GRIK2: variants seen among roughly 807,000 people sequenced by gnomAD.
GRIK2 encodes the protein glutamate ionotropic receptor kainate type subunit 2, also known as glutamate receptor ionotropic, kainate 2.
A neutral mutation model predicts 100.3 loss-of-function variants in GRIK2; 32 were observed. The ratio of observed to expected loss-of-function variants is 0.32; its 90% CI spans 0.24 to 0.43. The LOEUF is 0.43. Ranked by LOEUF, GRIK2 falls within the 20% of genes least tolerant of loss-of-function variation. GRIK2 has a pLI of 1.00. For synonymous variants in GRIK2, 417 were observed against 389.4 expected (o/e 1.07, Z -0.83); for missense variants, 843 against 1,114.9 (o/e 0.76, Z 3.47).
chr6:101,409,964 T>C (rs12215932), intron 2 of GRIK2, among the ~76,000 whole-genome samples: 40,631 of 151,908 alleles, frequency 0.27, 5,534 homozygotes, highest in African/African-American at 0.34. Context: ...TTATTACAAA[T>C]AGGTTGGTAA....
chr6:101,750,732 A>AG (rs1562356361), intron 7 of GRIK2, among the ~76,000 whole-genome samples: 1 of 152,198 alleles, frequency 6.6e-6, no homozygotes, highest in African/African-American at 2.4e-5. Flanking sequence ...AGAGAGAGAA[A>AG]GAGAAGGGTT....
intron 10 of GRIK2, among the ~76,000 whole-genome samples, chr6:101,852,413 C>T (rs910780389): frequency 5.9e-5 from 9 of 152,054 alleles, no homozygotes; most frequent in Admixed American, 4.6e-4. Flanking sequence ...CCATCATGCC[C>T]GAGCCTCATA....
chr6:102,006,322 A>G (rs1261494293), intron 14 of GRIK2, among the ~76,000 whole-genome samples: 1 of 146,412 alleles, frequency 6.8e-6, no homozygotes, highest in African/African-American at 2.6e-5. Context: ...TAGTTAGGAA[A>G]TGTTAGTAGA....
At chr6:101,737,367 G>A in intron 7 of GRIK2, among the ~76,000 whole-genome samples, 1 of 152,310 alleles carries the variant, frequency 6.6e-6, no homozygotes, top group Non-Finnish European at 1.5e-5. Flanking sequence ...ACAAAAGAAA[G>A]AAGTGTAATG....
At chr6:101,921,566 A>G (rs1789493214) in intron 12 of GRIK2, among the ~76,000 whole-genome samples, 1 of 152,084 alleles carries the variant, frequency 6.6e-6, no homozygotes, top group African/African-American at 2.4e-5. Flanking sequence ...TCAATCTTAG[A>G]GGGGTGAGAT....
chr6:101,661,316 C>T (rs1769594265), intron 4 of GRIK2, among the ~76,000 whole-genome samples: 1 of 152,096 alleles, frequency 6.6e-6, no homozygotes, highest in Non-Finnish European at 1.5e-5. Flanking sequence ...ATAGCAGACG[C>T]TCCTCCTGCC....
intron 3 of GRIK2, among the ~76,000 whole-genome samples, chr6:101,625,779 A>G (rs530315743): frequency 1.4e-4 from 22 of 152,332 alleles, no homozygotes; most frequent in African/African-American, 5.1e-4. Context: ...CCAAATATAT[A>G]AAGATGACTG....
intron 12 of GRIK2, among the ~76,000 whole-genome samples, chr6:101,900,817 A>G (rs1188574890): frequency 6.6e-6 from 1 of 151,790 alleles, no homozygotes; most frequent in Non-Finnish European, 1.5e-5. Context: ...ATATTAGTTA[A>G]TTCAATTTAA....
At chr6:101,555,579 A>G (rs942207655) in intron 2 of GRIK2, among the ~76,000 whole-genome samples, 15 of 152,224 alleles carry the variant, frequency 9.9e-5, no homozygotes, top group African/African-American at 3.6e-4. Flanking sequence ...ATTTTATGTA[A>G]TAGTCTTTCT....
At chr6:101,905,688 A>G (rs1788170366) in intron 12 of GRIK2, among the ~76,000 whole-genome samples, 1 of 151,358 alleles carries the variant, frequency 6.6e-6, no homozygotes, top group Admixed American at 6.6e-5. Context: ...ACATCTATCA[A>G]TCATCTACCT....
intron 2 of GRIK2, among the ~76,000 whole-genome samples, chr6:101,595,730 A>G (rs1778898268): frequency 1.5e-5 from 2 of 137,156 alleles, no homozygotes; most frequent in Non-Finnish European, 1.6e-5. Flanking sequence ...ATATATATAT[A>G]TATATATATA....
intron 7 of GRIK2, among the ~76,000 whole-genome samples, chr6:101,760,584 A>AT (rs1470636068): frequency 3.7e-5 from 3 of 81,754 alleles, no homozygotes; most frequent in East Asian, 9.4e-4. Context: ...TTAATTATAT[A>AT]TAATTATATA....
At chr6:101,621,811 T>C in intron 2 of GRIK2, 138 bp from the exon 3 acceptor site, 4 of 649,412 alleles carry the variant, frequency 6.2e-6, no homozygotes, top group Middle Eastern at 3.5e-4. Flanking sequence ...TCTCTCTCTC[T>C]TTCTCTCTCT....
intron 14 of GRIK2, among the ~76,000 whole-genome samples, chr6:101,937,527 A>C (rs1790690379): frequency 6.6e-6 from 1 of 152,184 alleles, no homozygotes. Context: ...GGATGCAAAA[A>C]ATAGGCTGAG....
At chr6:101,769,219 A>G (rs1231952093) in intron 7 of GRIK2, among the ~76,000 whole-genome samples, 1 of 152,192 alleles carries the variant, frequency 6.6e-6, no homozygotes, top group Admixed American at 6.5e-5. Flanking sequence ...AGTAGATACA[A>G]ATGCCCAAGT....
intron 2 of GRIK2, among the ~76,000 whole-genome samples, chr6:101,456,218 A>G (rs1017605203): frequency 4.6e-5 from 7 of 152,032 alleles, no homozygotes; most frequent in African/African-American, 1.7e-4. Context: ...TTTTGGTGAC[A>G]TATGGCCTTG....
chr6:101,585,075 A>C (rs147140446), intron 2 of GRIK2, among the ~76,000 whole-genome samples: 1 of 152,036 alleles, frequency 6.6e-6, no homozygotes, highest in Non-Finnish European at 1.5e-5. Flanking sequence ...TTTCTCAGCT[A>C]TATGAATAAT....
At chr6:101,980,049 T>C (rs1793621369) in intron 14 of GRIK2, among the ~76,000 whole-genome samples, 1 of 151,930 alleles carries the variant, frequency 6.6e-6, no homozygotes, top group African/African-American at 2.4e-5. Context: ...GGAGTGACAT[T>C]TAACATTTTT....
intron 7 of GRIK2, among the ~76,000 whole-genome samples, chr6:101,711,452 C>T (rs1023509954): frequency 1.3e-5 from 2 of 151,754 alleles, no homozygotes; most frequent in Non-Finnish European, 2.9e-5. Context: ...CATATACTTA[C>T]ATATGATCTC....
Sources: allele counts gnomAD v4.1 joint callset (sites outside exome capture counted in the v4.1 genomes callset), GRCh38; gene constraint gnomAD v4.1.1; transcripts MANE v1.5; gene names NCBI Gene and HGNC (gene_info 2026-07-23, HGNC 2026-07-21).